Variants in MSRB3 observed in about 807,000 individuals in gnomAD.
The protein encoded by MSRB3 is methionine-R-sulfoxide reductase B3.
MSRB3 carries 13 observed loss-of-function variants against 21.0 expected under a neutral mutation model. The ratio of observed to expected loss-of-function variants is 0.62; its 90% CI spans 0.40 to 0.98. The LOEUF (loss-of-function observed/expected upper bound fraction) is 0.98, where lower values mean the gene tolerates loss of function less well. MSRB3 is among the 50% of genes least tolerant of loss of function. The probability of loss-of-function intolerance (pLI) is 0.00; values close to 1 mark genes in which losing one functional copy is unlikely to be tolerated. For synonymous variants in MSRB3, 87 were observed against 88.6 expected (o/e 0.98, Z 0.10); for missense variants, 199 against 230.3 (o/e 0.86, Z 0.88).
chr12:65,325,226 C>T (rs1397538022), intron 2 of MSRB3, among the ~76,000 whole-genome samples: 3 of 152,202 alleles, frequency 2.0e-5, no homozygotes, highest in African/African-American at 7.2e-5. Context: ...AACATTTCTA[C>T]CTAACCGTTG....
At chr12:65,379,356 A>G (rs1270811750) in intron 5 of MSRB3, among the ~76,000 whole-genome samples, 1 of 152,232 alleles carries the variant, frequency 6.6e-6, no homozygotes, top group Non-Finnish European at 1.5e-5. Context: ...TGTAGAGCTG[A>G]CAATTTACAG....
intron 4 of MSRB3, among the ~76,000 whole-genome samples, chr12:65,335,724 G>C (rs1405898657): frequency 1.3e-5 from 2 of 152,040 alleles, no homozygotes; most frequent in East Asian, 3.9e-4. Flanking sequence ...CTCTCCTTAC[G>C]ATATTTAACA....
intron 5 of MSRB3, among the ~76,000 whole-genome samples, chr12:65,384,680 T>C (rs1373671511): frequency 6.6e-6 from 1 of 152,154 alleles, no homozygotes; most frequent in Non-Finnish European, 1.5e-5. Context: ...TAGCCAAAAA[T>C]AGCATAAATG....
chr12:65,447,386 G>GA (rs1882665979), intron 5 of MSRB3, among the ~76,000 whole-genome samples: 1 of 151,994 alleles, frequency 6.6e-6, no homozygotes, highest in African/African-American at 2.4e-5. Flanking sequence ...ATATTTTAGG[G>GA]AATCATAGAA....
intron 1 of MSRB3, among the ~76,000 whole-genome samples, chr12:65,280,871 A>G (rs769060460): frequency 1.3e-5 from 2 of 152,236 alleles, no homozygotes; most frequent in Non-Finnish European, 2.9e-5. Flanking sequence ...AAGAATATCC[A>G]AAGACTATCC....
At chr12:65,324,091 T>C (rs1158446382) in intron 2 of MSRB3, among the ~76,000 whole-genome samples, 10 of 152,210 alleles carry the variant, frequency 6.6e-5, no homozygotes, top group Admixed American at 6.5e-5. Flanking sequence ...CACTAGTATT[T>C]CTTAAAGGAC....
At chr12:65,386,278 G>A (rs1456425902) in intron 5 of MSRB3, among the ~76,000 whole-genome samples, 1 of 151,858 alleles carries the variant, frequency 6.6e-6, no homozygotes, top group East Asian at 1.9e-4. Flanking sequence ...TATGCAGATT[G>A]TTTATTTACA....
chr12:65,292,727 A>C (rs1438399400), intron 1 of MSRB3, among the ~76,000 whole-genome samples: 3 of 152,164 alleles, frequency 2.0e-5, no homozygotes, highest in Non-Finnish European at 4.4e-5. Context: ...GATGAGCAGC[A>C]GCCCTGAGGT....
chr12:65,398,510 A>G (rs1879939772), intron 5 of MSRB3, among the ~76,000 whole-genome samples: 1 of 151,914 alleles, frequency 6.6e-6, no homozygotes, highest in African/African-American at 2.4e-5. Context: ...GATATTAGCC[A>G]TTTGTCAGAT....
At chr12:65,411,593 T>G (rs1880718644) in intron 5 of MSRB3, among the ~76,000 whole-genome samples, 1 of 152,062 alleles carries the variant, frequency 6.6e-6, no homozygotes, top group Admixed American at 6.6e-5. Context: ...TTATAAGCTG[T>G]TTGTAGTTTT....
intron 5 of MSRB3, among the ~76,000 whole-genome samples, chr12:65,417,405 A>G (rs1881037605): frequency 6.6e-6 from 1 of 152,218 alleles, no homozygotes; most frequent in Admixed American, 6.5e-5. Context: ...ATTATGGTGT[A>G]CAACATGGTG....
intron 5 of MSRB3, among the ~76,000 whole-genome samples, chr12:65,453,287 G>T (rs903072011): frequency 6.6e-6 from 1 of 152,150 alleles, no homozygotes; most frequent in African/African-American, 2.4e-5. Flanking sequence ...TACTGAAAAA[G>T]CTTGCTTTCT....
intron 1 of MSRB3, among the ~76,000 whole-genome samples, chr12:65,299,819 A>G (rs140614387): frequency 2.0e-5 from 3 of 152,280 alleles, no homozygotes; most frequent in Admixed American, 6.5e-5. Context: ...TTGTTTCACA[A>G]TGTGAACTTG....
At chr12:65,407,382 T>C (rs1317501103) in intron 5 of MSRB3, among the ~76,000 whole-genome samples, 1 of 152,072 alleles carries the variant, frequency 6.6e-6, no homozygotes, top group Non-Finnish European at 1.5e-5. Flanking sequence ...CACTCTGCTC[T>C]CTTCATTGTA....
intron 5 of MSRB3, among the ~76,000 whole-genome samples, chr12:65,370,193 G>A (rs556086134): frequency 9.2e-4 from 140 of 152,270 alleles, no homozygotes; most frequent in African/African-American, 3.3e-3. Flanking sequence ...ACTATATAGA[G>A]ACTAAAGGTG....
In MSRB3 at chr12:65,290,979, C is replaced by T. The variant is rs568906932; in HGVS notation, c.-52+12114C>T. 2.0e-5 allele frequency among the ~76,000 whole-genome samples: 3 copies of T among 152,268 alleles called. No individual in the cohort carries two copies. The South Asian group carries it at 6.2e-4, about 32-fold the overall frequency. ...CAAACCCCTCAAATTACAGAAGAAA[C>T]ATTGGCAGAGATGTACCACAACTTT... On this transcript the variant is annotated intron_variant, in intron 1 of 6. Transcript: ENST00000308259.
chr12:65,421,307 GTTGT>G (rs1881281630), intron 5 of MSRB3, among the ~76,000 whole-genome samples: 2 of 151,998 alleles, frequency 1.3e-5, no homozygotes, highest in Non-Finnish European at 2.9e-5. Context: ...TTTTAATGTG[GTTGT>G]TTGTTTTTTT....
At chr12:65,372,172 G>A (rs1399036893) in intron 5 of MSRB3, among the ~76,000 whole-genome samples, 2 of 152,156 alleles carry the variant, frequency 1.3e-5, no homozygotes, top group South Asian at 2.1e-4. Flanking sequence ...ACGTCATTGT[G>A]TAAAGGATCG....
Position 65,463,507 on chromosome 12 carries a change from A to G in MSRB3, c.*185A>G. On this transcript the variant is annotated 3_prime_UTR_variant, in exon 7 of 7. Coordinates refer to ENST00000308259, the MANE Select transcript of MSRB3 (RefSeq NM_001031679.3). ...CATGTATTTTGCAATTGACTAGATC[A>G]AGAACTGTTTATAGCTTTAGCAAAT... is the stretch of plus-strand genomic sequence containing the variant. 4 of 675,344 alleles carry G rather than the reference A, an allele frequency of 5.9e-6. No individual in the cohort carries two copies. Among genetic ancestry groups the G allele is most frequent in the Non-Finnish European group, 9.7e-6 (4 of 410,258 alleles). 41.8% of individuals were successfully genotyped at this position (675,344 alleles called of 1,614,324 possible).
Sources: allele counts gnomAD v4.1 joint callset (sites outside exome capture counted in the v4.1 genomes callset), GRCh38; gene constraint gnomAD v4.1.1; transcripts MANE v1.5; gene names NCBI Gene and HGNC (gene_info 2026-07-23, HGNC 2026-07-21).